The following CNTNAP2 variants were observed in gnomAD, a reference collection of about 807,000 sequenced individuals.
CNTNAP2 encodes contactin-associated protein-like 2.
In CNTNAP2, 98 loss-of-function variants were observed where a neutral mutation model predicts 155.2. That is an observed-to-expected ratio of 0.63 (90% CI 0.54 to 0.75). The LOEUF (loss-of-function observed/expected upper bound fraction) is 0.75. CNTNAP2 is among the 30% of genes least tolerant of loss of function. CNTNAP2 has a pLI of 0.00. For synonymous variants in CNTNAP2, 651 were observed against 631.2 expected (o/e 1.03, Z -0.47); for missense variants, 1,727 against 1,688.1 (o/e 1.02, Z -0.40).
chr7:146,619,121 T>TA (rs1459137550), intron 1 of CNTNAP2, among the ~76,000 whole-genome samples: 1 of 152,032 alleles, frequency 6.6e-6, no homozygotes, highest in South Asian at 2.1e-4. Flanking sequence ...AAAGTCACTT[T>TA]AAAAAATCTT....
intron 8 of CNTNAP2, among the ~76,000 whole-genome samples, chr7:147,238,184 T>C (rs1213605273): frequency 1.3e-5 from 2 of 152,066 alleles, no homozygotes; most frequent in Non-Finnish European, 2.9e-5. Flanking sequence ...CCGGCTAATT[T>C]TTTGTAGTTT....
intron 11 of CNTNAP2, among the ~76,000 whole-genome samples, chr7:147,489,122 G>T (rs1272368820): frequency 6.6e-6 from 1 of 152,178 alleles, no homozygotes; most frequent in East Asian, 1.9e-4. Context: ...GGTTTCCATA[G>T]TATTTTTCTC....
intron 15 of CNTNAP2, among the ~76,000 whole-genome samples, chr7:148,096,267 G>C (rs1199229723): frequency 1.4e-5 from 2 of 141,692 alleles, no homozygotes; most frequent in African/African-American, 5.4e-5. Context: ...GTTTTTCTGC[G>C]TGCATGCATG....
At chr7:147,388,917 T>G (rs1026293532) in intron 9 of CNTNAP2, among the ~76,000 whole-genome samples, 2 of 152,310 alleles carry the variant, frequency 1.3e-5, no homozygotes, top group Non-Finnish European at 2.9e-5. Context: ...GTTGGGAATT[T>G]GACTCTCACT....
chr7:146,795,528 C>A (rs1026926184), intron 2 of CNTNAP2, among the ~76,000 whole-genome samples: 1 of 152,112 alleles, frequency 6.6e-6, no homozygotes, highest in Non-Finnish European at 1.5e-5. Flanking sequence ...TGGAATGTAA[C>A]CTTGGCTCAG....
intron 1 of CNTNAP2, among the ~76,000 whole-genome samples, chr7:146,543,924 G>A (rs556863633): frequency 2.0e-5 from 3 of 151,688 alleles, no homozygotes; most frequent in Non-Finnish European, 4.4e-5. Flanking sequence ...ATAGTCTAAT[G>A]AACCTCATTT....
intron 21 of CNTNAP2, among the ~76,000 whole-genome samples, chr7:148,296,063 A>T (rs1177243519): frequency 6.6e-6 from 1 of 152,222 alleles, no homozygotes; most frequent in Non-Finnish European, 1.5e-5. Context: ...GCCAGACTTT[A>T]TTAATCCTCA....
intron 1 of CNTNAP2, among the ~76,000 whole-genome samples, chr7:146,655,665 A>G (rs181840743): frequency 6.6e-6 from 1 of 152,122 alleles, no homozygotes; most frequent in Non-Finnish European, 1.5e-5. Flanking sequence ...TAAATTGAAC[A>G]TGAATAATGA....
chr7:146,983,797 G>GGGC (rs1234306884), intron 3 of CNTNAP2, among the ~76,000 whole-genome samples: 1 of 152,088 alleles, frequency 6.6e-6, no homozygotes, highest in East Asian at 1.9e-4. Context: ...ACCATCAGAA[G>GGGC]GGCTGGAAAT....
intron 21 of CNTNAP2, among the ~76,000 whole-genome samples, chr7:148,311,467 G>A (rs1411013031): frequency 6.6e-6 from 1 of 152,120 alleles, no homozygotes; most frequent in East Asian, 1.9e-4. Context: ...GAATAAAAGT[G>A]AGTATAAAAG....
At chr7:146,208,288 T>C (rs1031190174) in intron 1 of CNTNAP2, among the ~76,000 whole-genome samples, 1 of 152,122 alleles carries the variant, frequency 6.6e-6, no homozygotes, top group African/African-American at 2.4e-5. Context: ...TTTAAATCTT[T>C]AACTTAATAC....
intron 11 of CNTNAP2, among the ~76,000 whole-genome samples, chr7:147,510,888 A>T (rs1323201245): frequency 5.1e-5 from 3 of 59,194 alleles, no homozygotes; most frequent in Non-Finnish European, 1.1e-4. Flanking sequence ...CCTCATATAT[A>T]TATACATGAG....
intron 1 of CNTNAP2, among the ~76,000 whole-genome samples, chr7:146,671,021 G>A (rs1293256393): frequency 4.6e-5 from 7 of 152,096 alleles, no homozygotes; most frequent in Admixed American, 1.3e-4. Flanking sequence ...TAAACACAAC[G>A]AACTTCAAAG....
chr7:146,497,666 T>C (rs1797238820), intron 1 of CNTNAP2, among the ~76,000 whole-genome samples: 1 of 151,818 alleles, frequency 6.6e-6, no homozygotes, highest in Non-Finnish European at 1.5e-5. Context: ...AGAGGTCTTG[T>C]CAAATTGATT....
At chr7:146,855,552 G>A (rs1385482673) in intron 3 of CNTNAP2, among the ~76,000 whole-genome samples, 1 of 151,810 alleles carries the variant, frequency 6.6e-6, no homozygotes, top group East Asian at 1.9e-4. Flanking sequence ...TGGATATATT[G>A]TTTAGTGAAA....
intron 1 of CNTNAP2, among the ~76,000 whole-genome samples, chr7:146,179,373 T>G (rs1798517915): frequency 6.8e-6 from 1 of 147,028 alleles, no homozygotes; most frequent in Non-Finnish European, 1.5e-5. Flanking sequence ...AAGCCAAGAC[T>G]ATCTGATATT....
chr7:146,849,911 C>T (rs73740884), intron 3 of CNTNAP2, among the ~76,000 whole-genome samples: 133 of 152,166 alleles, frequency 8.7e-4, no homozygotes, highest in African/African-American at 2.9e-3. Flanking sequence ...AACAAAAGCC[C>T]GGGTCATCTT....
intron 15 of CNTNAP2, among the ~76,000 whole-genome samples, chr7:148,042,072 C>A (rs527298206): frequency 2.6e-5 from 4 of 152,300 alleles, no homozygotes; most frequent in African/African-American, 9.6e-5. Flanking sequence ...GATGCCAGCA[C>A]AGCTGCTGCC....
intron 18 of CNTNAP2, among the ~76,000 whole-genome samples, chr7:148,207,025 T>C (rs1204790157): frequency 6.6e-6 from 1 of 152,240 alleles, no homozygotes; most frequent in Non-Finnish European, 1.5e-5. Flanking sequence ...TGTAATGCTG[T>C]GTTTGCTCTG....
Sources: allele counts gnomAD v4.1 joint callset (sites outside exome capture counted in the v4.1 genomes callset), GRCh38; gene constraint gnomAD v4.1.1; transcripts MANE v1.5; gene names NCBI Gene and HGNC (gene_info 2026-07-23, HGNC 2026-07-21).